The following BACH2 variants were observed in gnomAD, a reference collection of about 807,000 sequenced individuals.
BACH2 encodes the protein BACH transcriptional regulator 2, also known as transcription regulator protein BACH2.
A neutral mutation model predicts 61.8 loss-of-function variants in BACH2; 5 were observed. The observed-to-expected ratio is 0.08, with a 90% CI of 0.04 to 0.17. The LOEUF is 0.17. Among genes scored for constraint, BACH2 ranks in the 10% least tolerant of loss-of-function variants. BACH2 has a pLI of 1.00. For synonymous variants in BACH2, 446 were observed against 440.1 expected (o/e 1.01, Z -0.17); for missense variants, 824 against 1,091.1 (o/e 0.76, Z 3.45).
At position 89,950,142 on chromosome 6, in the gene BACH2, C is replaced by T. The variant is rs1388824995; in HGVS notation, c.1836+128G>A. 9.2e-7 allele frequency: 1 copy of T among 1,090,404 alleles called. No homozygotes were observed. Among genetic ancestry groups the T allele is most frequent in the East Asian group, 2.4e-5 (1 of 41,878 alleles). The allele number at this position is 1,090,404 out of a possible 1,614,324, so 67.5% of individuals were successfully genotyped here. On this transcript the variant is annotated intron_variant, in intron 7 of 8. Transcript: ENST00000257749. The surrounding 1 kb of genome is among the most constrained non-coding windows in gnomAD (Gnocchi z 5.3). Reference sequence around the variant, plus strand: ...ATCCTGCCTCTGTGGATGGGGAAGGCAGTCTCTCTACTGTCATCTTTAATC... The same window carrying T: ...ATCCTGCCTCTGTGGATGGGGAAGGTAGTCTCTCTACTGTCATCTTTAATC...
chr6:90,132,399 C>T (rs565044736), intron 4 of BACH2, among the ~76,000 whole-genome samples: 1 of 152,304 alleles, frequency 6.6e-6, no homozygotes, highest in African/African-American at 2.4e-5. Context: ...ACCCCTCCCA[C>T]CTTCCTATGT....
At position 90,235,582 on chromosome 6, in the gene BACH2, G is replaced by A. The variant is rs144436174; in HGVS notation, c.-275+16931C>T. On this transcript the variant is annotated intron_variant, in intron 3 of 8. Coordinates refer to ENST00000257749, the MANE Select transcript of BACH2 (RefSeq NM_021813.4). ...AAGCCTGTAGTTCCCAGCTACCTGG[G>A]AGGTGGAGGCAAAGAGGATCCTTTC... Among the ~76,000 whole-genome samples the A allele has an allele frequency of 3.0e-4, 45 of 152,366 alleles. No homozygotes were observed. The East Asian group carries it at 8.7e-3, about 29-fold the overall frequency.
intron 3 of BACH2, among the ~76,000 whole-genome samples, chr6:90,223,820 T>C (rs1160044068): frequency 6.6e-6 from 1 of 152,168 alleles, no homozygotes. Context: ...TACTTCTGTG[T>C]CTGTATTTGG....
At chr6:90,267,334 G>A (rs1038451856) in intron 2 of BACH2, among the ~76,000 whole-genome samples, 2 of 152,174 alleles carry the variant, frequency 1.3e-5, no homozygotes, top group African/African-American at 4.8e-5. Flanking sequence ...GCACACTCTT[G>A]CTGGCAATCA....
chr6:89,971,795 T>C (rs1235385916), intron 6 of BACH2, among the ~76,000 whole-genome samples: 1 of 152,152 alleles, frequency 6.6e-6, no homozygotes, highest in African/African-American at 2.4e-5. Flanking sequence ...ATGAGACTTA[T>C]TCACTACCAG....
chr6:90,046,921 A>ATTTC (rs71556551), intron 5 of BACH2, among the ~76,000 whole-genome samples: 98 of 150,490 alleles, frequency 6.5e-4, no homozygotes, highest in African/African-American at 1.6e-3. Flanking sequence ...TGCCCATGTA[A>ATTTC]TTTCTTTCTT....
chr6:89,968,255 C>G (rs767703710), intron 6 of BACH2, among the ~76,000 whole-genome samples: 9 of 152,236 alleles, frequency 5.9e-5, no homozygotes, highest in Non-Finnish European at 1.2e-4. Context: ...CCTGGACAAT[C>G]AGCACTTGCT....
At chr6:90,168,212 G>A (rs1320260586) in intron 4 of BACH2, among the ~76,000 whole-genome samples, 1 of 152,098 alleles carries the variant, frequency 6.6e-6, no homozygotes, top group Admixed American at 6.6e-5. Context: ...AGAAAAATTA[G>A]TCAGGTGTGG....
chr6:90,156,467 A>AT (rs1562478443), intron 4 of BACH2, among the ~76,000 whole-genome samples: 1 of 152,174 alleles, frequency 6.6e-6, no homozygotes. Flanking sequence ...CAAAAATAAC[A>AT]TTCTCAAAGA....
chr6:90,038,023 C>A (rs541919199), intron 5 of BACH2, among the ~76,000 whole-genome samples: 41 of 152,260 alleles, frequency 2.7e-4, no homozygotes, highest in Non-Finnish European at 5.6e-4. Flanking sequence ...GGAGCATGAC[C>A]CTGCCAACAT....
At chr6:90,071,939 T>A (rs1308350806) in intron 5 of BACH2, among the ~76,000 whole-genome samples, 1 of 152,162 alleles carries the variant, frequency 6.6e-6, no homozygotes, top group Non-Finnish European at 1.5e-5. Flanking sequence ...GTATTCACAT[T>A]GAGCAGACTG....
intron 3 of BACH2, among the ~76,000 whole-genome samples, chr6:90,207,971 G>C (rs1411288578): frequency 6.6e-6 from 1 of 152,044 alleles, no homozygotes; most frequent in Admixed American, 6.5e-5. Flanking sequence ...ATATTACTAC[G>C]TTCCTTTTAT....
intron 3 of BACH2, among the ~76,000 whole-genome samples, chr6:90,243,899 C>T (rs180834455): frequency 6.6e-6 from 1 of 152,224 alleles, no homozygotes; most frequent in African/African-American, 2.4e-5. Context: ...GAGCAATAAA[C>T]CTCAGTCATA....
chr6:89,993,045 T>C (rs1028245699), intron 6 of BACH2, among the ~76,000 whole-genome samples: 11 of 152,178 alleles, frequency 7.2e-5, no homozygotes, highest in African/African-American at 2.7e-4. Flanking sequence ...GGAAAGGCTA[T>C]GTGAGGACAC....
intron 4 of BACH2, among the ~76,000 whole-genome samples, chr6:90,135,588 C>T (rs551829012): frequency 1.4e-4 from 22 of 152,200 alleles, no homozygotes; most frequent in South Asian, 1.0e-3. Flanking sequence ...TGGTGGTACA[C>T]GCCTGTGGTC....
chr6:90,213,001 A>G (rs1246276091), intron 3 of BACH2, among the ~76,000 whole-genome samples: 1 of 152,238 alleles, frequency 6.6e-6, no homozygotes, highest in Non-Finnish European at 1.5e-5. Context: ...TGTAAATCGC[A>G]GTCTCCAGTG....
chr6:90,273,123 G>C (rs1167457363), intron 1 of BACH2, among the ~76,000 whole-genome samples: 3 of 152,170 alleles, frequency 2.0e-5, no homozygotes, highest in Non-Finnish European at 4.4e-5. Context: ...CACTTTGGGA[G>C]GCTAAGGCGG....
intron 4 of BACH2, among the ~76,000 whole-genome samples, chr6:90,165,666 G>T (rs1168549075): frequency 6.6e-6 from 1 of 151,994 alleles, no homozygotes; most frequent in African/African-American, 2.4e-5. Context: ...TATACTACAA[G>T]GCTACAGTAA....
intron 3 of BACH2, among the ~76,000 whole-genome samples, chr6:90,214,946 G>T (rs923616953): frequency 1.3e-5 from 2 of 151,566 alleles, no homozygotes. Context: ...GTAGAGACAG[G>T]GTTTTGCTAT....
Sources: gnomAD v4.1 joint callset for allele counts (sites outside exome capture counted in the v4.1 genomes callset) on GRCh38, gnomAD v4.1.1 for gene constraint, Gnocchi (gnomAD v3.1) non-coding constraint, MANE v1.5 for transcripts, NCBI Gene and HGNC (gene_info 2026-07-23, HGNC 2026-07-21) for gene names.